The following ANKS1A variants were observed in gnomAD, a reference collection of about 807,000 sequenced individuals.
The protein encoded by ANKS1A is ankyrin repeat and SAM domain-containing protein 1A.
In ANKS1A, 55 loss-of-function variants were observed where a neutral mutation model predicts 120.3. The observed-to-expected ratio is 0.46, with a 90% CI of 0.37 to 0.57. The LOEUF (loss-of-function observed/expected upper bound fraction) is 0.57. Among genes scored for constraint, ANKS1A ranks in the 20% least tolerant of loss-of-function variants. ANKS1A has a pLI of 0.00. For synonymous variants in ANKS1A, 590 were observed against 604.7 expected (o/e 0.98, Z 0.36); for missense variants, 1,123 against 1,480.3 (o/e 0.76, Z 3.96).
intron 1 of ANKS1A, among the ~76,000 whole-genome samples, chr6:34,929,181 A>C (rs1315328017): frequency 6.6e-6 from 1 of 152,202 alleles, no homozygotes; most frequent in African/African-American, 2.4e-5. Flanking sequence ...GAATGGAGTA[A>C]GTAAGGAATG....
intron 9 of ANKS1A, among the ~76,000 whole-genome samples, chr6:34,991,905 GT>G: frequency 6.6e-6 from 1 of 151,042 alleles, no homozygotes; most frequent in East Asian, 1.9e-4. Context: ...AATCCTTTCT[GT>G]TGAAAATCAG....
rs926551286 is a variant in ANKS1A at position 34,926,006 on chromosome 6, G to A, written c.197+36407G>A. Among the ~76,000 whole-genome samples the A allele has an allele frequency of 5.3e-5, 8 of 152,280 alleles. 1 individual carries two copies. The South Asian group carries it at 1.0e-3, about 20-fold the overall frequency. On this transcript the variant is annotated intron_variant, in intron 1 of 23. Transcript: ENST00000360359. Reference sequence around the variant, plus strand: ...TCTTGAGGAATTTTCATCAGGAATGGAATTCAAGTTAGGAAGTAAAACTAG... The same window carrying A: ...TCTTGAGGAATTTTCATCAGGAATGAAATTCAAGTTAGGAAGTAAAACTAG...
chr6:35,088,827 A>G lies in ANKS1A; in HGVS notation c.*218A>G. The stretch of plus-strand genomic sequence containing the variant: ...GAGAAGCACTCCAGGCCGCTAGCAG[A>G]TGGGACTGGCATTCCAGAGGGTCAA... On this transcript the variant is annotated 3_prime_UTR_variant, in exon 24 of 24. Coordinates refer to ENST00000360359, the MANE Select transcript of ANKS1A (RefSeq NM_015245.3). 1 of 1,472,300 alleles carries G rather than the reference A, an allele frequency of 6.8e-7. No homozygotes were observed. The highest frequency in any genetic ancestry group is 9.0e-7 in the Non-Finnish European group (1 of 1,113,694). 91.2% of individuals were successfully genotyped at this position (1,472,300 alleles called of 1,614,324 possible). A position where few individuals can be genotyped will look rare whatever the true frequency, so the allele number is the denominator to read the frequency against.
At chr6:34,993,495 C>T (rs147110015) in intron 9 of ANKS1A, among the ~76,000 whole-genome samples, 43 of 152,380 alleles carry the variant, frequency 2.8e-4, no homozygotes, top group African/African-American at 1.0e-3. Flanking sequence ...TCCCCCTCCA[C>T]ACTGAAATTC....
intron 8 of ANKS1A, among the ~76,000 whole-genome samples, chr6:34,985,904 T>G (rs936970356): frequency 1.3e-5 from 2 of 152,258 alleles, no homozygotes; most frequent in Admixed American, 6.5e-5. Flanking sequence ...TTTCTGTTTC[T>G]TTCTCTAGTA....
rs559586522 is a variant in ANKS1A at position 35,054,065 on chromosome 6, C to T, written c.2011-34C>T. 1.1e-5 allele frequency: 18 copies of T among 1,595,666 alleles called. No individual in the cohort carries two copies. In the Admixed American group the frequency reaches 2.3e-4, roughly 21 times the overall value. On this transcript the variant is annotated intron_variant, in intron 11 of 23. Transcript: ENST00000360359. The stretch of plus-strand genomic sequence containing the variant: ...CTGGTAAGGTTTACCCCAAGCCTGA[C>T]TGCCTCTCCTCTTTGTTCTTTCTTC...
chr6:34,912,224 C>T (rs1277003808), intron 1 of ANKS1A, among the ~76,000 whole-genome samples: 1 of 152,130 alleles, frequency 6.6e-6, no homozygotes, highest in African/African-American at 2.4e-5. Flanking sequence ...TTTTACATGG[C>T]CAAATCAAAT....
At chr6:34,967,466 T>G (rs1430673565) in intron 2 of ANKS1A, 147 bp downstream of exon 2, 2 of 556,562 alleles carry the variant, frequency 3.6e-6, no homozygotes, top group Non-Finnish European at 3.0e-6. Flanking sequence ...GGTGGGAGGA[T>G]CACATGAAGC....
chr6:35,014,654 G>A (rs2127555725), intron 10 of ANKS1A, among the ~76,000 whole-genome samples: 1 of 152,290 alleles, frequency 6.6e-6, no homozygotes, highest in South Asian at 2.1e-4. Flanking sequence ...CCCCAGTTCT[G>A]AGCTGTGGTG....
intron 10 of ANKS1A, among the ~76,000 whole-genome samples, chr6:35,001,808 G>C (rs543945045): frequency 6.6e-6 from 1 of 151,958 alleles, no homozygotes; most frequent in Non-Finnish European, 1.5e-5. Flanking sequence ...TCCCTTTCAC[G>C]CTGGCATTTC....
chr6:34,910,813 A>G (rs1767872510), intron 1 of ANKS1A, among the ~76,000 whole-genome samples: 1 of 150,974 alleles, frequency 6.6e-6, no homozygotes, highest in Non-Finnish European at 1.5e-5. Context: ...GTGAGCCGAG[A>G]TTGCACCACT....
At chr6:34,932,161 C>T (rs757752191) in intron 1 of ANKS1A, among the ~76,000 whole-genome samples, 3 of 152,118 alleles carry the variant, frequency 2.0e-5, no homozygotes, top group Non-Finnish European at 2.9e-5. Flanking sequence ...TCTCTTTTAA[C>T]CATATTGGTT....
intron 1 of ANKS1A, among the ~76,000 whole-genome samples, chr6:34,960,796 A>G (rs752048800): frequency 6.6e-5 from 10 of 152,218 alleles, no homozygotes; most frequent in Middle Eastern, 3.4e-3. Flanking sequence ...ATACTATTAT[A>G]CTTGCTCAAA....
intron 11 of ANKS1A, among the ~76,000 whole-genome samples, chr6:35,042,013 G>A (rs1775484641): frequency 6.6e-6 from 1 of 152,190 alleles, no homozygotes; most frequent in Admixed American, 6.5e-5. Flanking sequence ...GATGGTGGTG[G>A]CCTCAGAGGA....
intron 1 of ANKS1A, among the ~76,000 whole-genome samples, chr6:34,898,829 C>T (rs755378118): frequency 1.3e-5 from 2 of 152,024 alleles, no homozygotes; most frequent in Admixed American, 6.6e-5. Context: ...CCTCCTCAAC[C>T]TCATTTTAAA....
rs763284335 is a variant in ANKS1A, at chr6:34,982,739, G to A, written c.733-13G>A. The A allele has an allele frequency of 9.3e-6, 15 of 1,614,198 alleles. No individual in the cohort carries two copies. Among genetic ancestry groups the A allele is most frequent in the East Asian group, 6.7e-5 (3 of 44,890 alleles). On this transcript the variant is annotated splice_polypyrimidine_tract_variant and intron_variant, in intron 4 of 23. Transcript: ENST00000360359. The surrounding 1 kb of genome is among the most constrained non-coding windows in gnomAD (Gnocchi z 4.9). Reference sequence around the variant, plus strand: ...TGATGACATCCCGCTCTGCGCTCTCGTTTGCTTTCCAGACGGAGATGGGCA... The same window carrying A: ...TGATGACATCCCGCTCTGCGCTCTCATTTGCTTTCCAGACGGAGATGGGCA...
intron 1 of ANKS1A, among the ~76,000 whole-genome samples, chr6:34,933,531 C>T (rs1050885585): frequency 1.4e-4 from 22 of 152,228 alleles, no homozygotes; most frequent in Non-Finnish European, 1.3e-4. Flanking sequence ...CCACCACGCC[C>T]GGCTAGTTTT....
intron 1 of ANKS1A, among the ~76,000 whole-genome samples, chr6:34,955,237 A>G (rs957301381): frequency 1.3e-5 from 2 of 151,792 alleles, no homozygotes; most frequent in African/African-American, 4.8e-5. Context: ...CCCAGGTTCA[A>G]GTGATTCTCC....
rs1353470125 is a variant in ANKS1A at position 35,090,428 on chromosome 6, C to T, written c.*1819C>T. ...GCGGGGCGGTAGGTCCGAAAGAAAC[C>T]GCAGACACTACGATGCACTCCTCAA... On this transcript the variant is annotated 3_prime_UTR_variant, in exon 24 of 24. Coordinates refer to ENST00000360359, the MANE Select transcript of ANKS1A (RefSeq NM_015245.3). The T allele has an allele frequency of 3.7e-5, 44 of 1,194,648 alleles. No homozygotes were observed. The highest frequency in any genetic ancestry group is 5.8e-5 in the East Asian group (1 of 17,210). 74.0% of individuals were successfully genotyped at this position (1,194,648 alleles called of 1,614,324 possible).
Sources: allele counts gnomAD v4.1 joint callset (sites outside exome capture counted in the v4.1 genomes callset), GRCh38; gene constraint gnomAD v4.1.1; non-coding constraint Gnocchi (gnomAD v3.1); transcripts MANE v1.5; gene names NCBI Gene and HGNC (gene_info 2026-07-23, HGNC 2026-07-21).